The following TDRD1 variants were observed in gnomAD, a reference collection of about 807,000 sequenced individuals.
The protein encoded by TDRD1 is tudor domain containing 1, also known as tudor domain-containing protein 1.
In TDRD1, 37 loss-of-function variants were observed where a neutral mutation model predicts 140.6. The ratio of observed to expected loss-of-function variants is 0.26; its 90% confidence interval spans 0.20 to 0.35. The LOEUF (loss-of-function observed/expected upper bound fraction) is 0.35, where lower values mean the gene tolerates loss of function less well. Ranked by LOEUF, TDRD1 falls within the 10% of genes least tolerant of loss-of-function variation. The pLI, the probability that TDRD1 is intolerant of heterozygous loss-of-function variation, is 1.00. For synonymous variants in TDRD1, 506 were observed against 475.7 expected (o/e 1.06, Z -0.83); for missense variants, 1,243 against 1,393.0 (o/e 0.89, Z 1.71).
chr10:114,216,556 G>T (rs1052238204), intron 16 of TDRD1, among the ~76,000 whole-genome samples: 2 of 152,194 alleles, frequency 1.3e-5, no homozygotes, highest in African/African-American at 4.8e-5. Context: ...ACTACTAAGT[G>T]TGGATAAATA....
intron 25 of TDRD1, chr10:114,228,703 C>T (rs1344557508): frequency 2.1e-5 from 21 of 985,006 alleles, no homozygotes; most frequent in Middle Eastern, 1.0e-3. Context: ...GTGTTCCTCC[C>T]CACCCCACCC....
rs777449430 is a variant in TDRD1 at position 114,218,597 on chromosome 10, A to G, written c.2494+13A>G. ...TGCCAGTTAGCAGGTATGGTATACAATAAGAAACTTTCTCAACTTTCTAAT... is the reference window on the plus strand; with the variant it reads ...TGCCAGTTAGCAGGTATGGTATACAGTAAGAAACTTTCTCAACTTTCTAAT... On this transcript the variant is annotated intron_variant, in intron 18 of 25. Transcript: ENST00000251864. 8.2e-5 allele frequency: 128 copies of G among 1,558,100 alleles called. No homozygotes were observed. The highest frequency in any genetic ancestry group is 1.1e-4 in the Non-Finnish European group (122 of 1,146,488).
exon 23 of TDRD1, chr10:114,227,226 T>C (rs752062106): frequency 1.2e-6 from 2 of 1,614,214 alleles, no homozygotes. Context: ...GGACTGTCGA[T>C]GTAGCTGATA....
intron 4 of TDRD1, among the ~76,000 whole-genome samples, chr10:114,200,615 C>T (rs1175116598): frequency 3.9e-5 from 6 of 152,124 alleles, no homozygotes; most frequent in African/African-American, 9.7e-5. Context: ...ACTCTGCCTC[C>T]TGGGTTCAGG....
intron 1 of TDRD1, among the ~76,000 whole-genome samples, chr10:114,180,213 C>T (rs1208182802): frequency 6.6e-6 from 1 of 152,184 alleles, no homozygotes; most frequent in South Asian, 2.1e-4. Context: ...GAAATAATAG[C>T]TGCCCTTTAA....
chr10:114,186,041 T>C (rs1019238786), intron 1 of TDRD1, among the ~76,000 whole-genome samples: 1 of 152,236 alleles, frequency 6.6e-6, no homozygotes. Flanking sequence ...GACTAACTCA[T>C]TGATACTTGG....
upstream of TDRD1, among the ~76,000 whole-genome samples, chr10:114,175,061 C>T (rs1037771322): frequency 6.6e-6 from 1 of 152,216 alleles, no homozygotes; most frequent in Non-Finnish European, 1.5e-5. Context: ...TGTTAAGCGT[C>T]TTCGATACTG....
exon 26 of TDRD1, chr10:114,231,659 G>T (rs925373629): frequency 1.7e-6 from 1 of 589,448 alleles, no homozygotes; most frequent in Non-Finnish European, 2.8e-6. Flanking sequence ...CTCCTATTAG[G>T]TTGGTGGTTT....
chr10:114,218,397 CTG>C lies in TDRD1; in HGVS notation c.2324-11_2324-10del, dbSNP rs1456665851. Reference sequence around the variant, plus strand: ...GAAAGGAAATGTTCCATGTCACAAACTGTGTGTTAAACCTAGGTGATGGTAGT... The same window carrying C: ...GAAAGGAAATGTTCCATGTCACAAACTGTGTTAAACCTAGGTGATGGTAGT... On this transcript the variant is annotated splice_polypyrimidine_tract_variant and intron_variant, in intron 17 of 25. Transcript: ENST00000251864. 8 of 1,493,970 alleles carry C rather than the reference CTG, an allele frequency of 5.4e-6. No individual in the cohort carries two copies. The highest frequency in any genetic ancestry group is 1.4e-5 in the South Asian group (1 of 70,752). 92.5% of individuals were successfully genotyped at this position (1,493,970 alleles called of 1,614,324 possible). A position where few individuals can be genotyped will look rare whatever the true frequency, so the allele number is the denominator to read the frequency against.
chr10:114,185,190 T>G (rs2120067784), intron 1 of TDRD1, among the ~76,000 whole-genome samples: 1 of 152,036 alleles, frequency 6.6e-6, no homozygotes, highest in South Asian at 2.1e-4. Flanking sequence ...CTCCTTGGAG[T>G]GTTTGTTTTT....
intron 4 of TDRD1, among the ~76,000 whole-genome samples, chr10:114,200,245 C>T (rs1353639601): frequency 1.3e-5 from 2 of 152,192 alleles, no homozygotes; most frequent in Non-Finnish European, 2.9e-5. Flanking sequence ...GCAGTGCTCT[C>T]GTGATCAATG....
At chr10:114,217,363 CTAAA>C (rs1041962005) in intron 16 of TDRD1, among the ~76,000 whole-genome samples, 178 bp from the exon 17 acceptor site, 2 of 152,152 alleles carry the variant, frequency 1.3e-5, no homozygotes, top group Non-Finnish European at 2.9e-5. Context: ...AAAGTATTAA[CTAAA>C]TAACAACTTA....
chr10:114,227,326 C>G (rs1268193450), intron 23 of TDRD1, 27 bp downstream of exon 23: 1 of 1,479,220 alleles, frequency 6.8e-7, no homozygotes. Flanking sequence ...TTATTAATAA[C>G]AGATGTTAAG....
At chr10:114,218,253 T>G (rs2035936329) in intron 17 of TDRD1, among the ~76,000 whole-genome samples, 161 bp from the exon 18 acceptor site, 1 of 152,230 alleles carries the variant, frequency 6.6e-6, no homozygotes, top group Non-Finnish European at 1.5e-5. Flanking sequence ...AATTCTTTCA[T>G]TCTAGAGATT....
chr10:114,228,179 A>G (rs1329670299), intron 25 of TDRD1: 2 of 1,510,406 alleles, frequency 1.3e-6, no homozygotes, highest in Non-Finnish European at 1.8e-6. Flanking sequence ...CCAATAGGAC[A>G]TCTTCAGGCA....
chr10:114,195,769 C>T (rs967198283), intron 3 of TDRD1, among the ~76,000 whole-genome samples: 1 of 152,096 alleles, frequency 6.6e-6, no homozygotes. Flanking sequence ...ATGCTTAGAC[C>T]GTTTACATTT....
chr10:114,228,116 CTG>C lies in TDRD1; in HGVS notation c.3531_3532del (p.Leu1178LysfsTer9), dbSNP rs2036545318. On this transcript the variant is annotated frameshift_variant, in exon 25 of 26. Coordinates refer to ENST00000251864, the Ensembl canonical transcript of TDRD1. LOFTEE classifies it high-confidence loss of function. ...AAATAAATTTATTGAAATGAAAAAACTGTTAAAAAGTTAAGTAAGTTAAATCG... is the reference window on the plus strand; with the variant it reads ...AAATAAATTTATTGAAATGAAAAAACTTAAAAAGTTAAGTAAGTTAAATCG... 2.5e-6 allele frequency: 4 copies of C among 1,591,996 alleles called. No homozygotes were observed. Among genetic ancestry groups the C allele is most frequent in the Non-Finnish European group, 3.4e-6 (4 of 1,168,402 alleles).
chr10:114,196,116 C>T (rs1417535192), intron 3 of TDRD1, among the ~76,000 whole-genome samples: 3 of 152,192 alleles, frequency 2.0e-5, no homozygotes, highest in Non-Finnish European at 2.9e-5. Context: ...TTAGAATGCT[C>T]AACAAGAGAA....
chr10:114,178,936 C>G (rs2032798583), upstream of TDRD1, among the ~76,000 whole-genome samples: 1 of 151,774 alleles, frequency 6.6e-6, no homozygotes, highest in Non-Finnish European at 1.5e-5. Context: ...ATCACATGCC[C>G]TCAGTCAGGA....
Sources: gnomAD v4.1 joint callset for allele counts (sites outside exome capture counted in the v4.1 genomes callset) on GRCh38, gnomAD v4.1.1 for gene constraint, MANE v1.5 for transcripts, NCBI Gene and HGNC (gene_info 2026-07-23, HGNC 2026-07-21) for gene names.